Variants in MTUS2 observed in about 807,000 individuals in gnomAD.
The protein encoded by MTUS2 is microtubule associated scaffold protein 2, also known as microtubule-associated tumor suppressor candidate 2.
A neutral mutation model predicts 114.1 loss-of-function variants in MTUS2; 40 were observed. That is an observed-to-expected ratio of 0.35 (90% CI 0.27 to 0.46). The LOEUF (loss-of-function observed/expected upper bound fraction) is 0.46, where lower values mean the gene tolerates loss of function less well. Ranked by LOEUF, MTUS2 falls within the 20% of genes least tolerant of loss-of-function variation. The pLI, the probability that MTUS2 is intolerant of heterozygous loss-of-function variation, is 1.00. For synonymous variants in MTUS2, 688 were observed against 672.0 expected, an observed-to-expected ratio of 1.02 and a Z score of -0.37; for missense variants, 1,679 against 1,705.4, an observed-to-expected ratio of 0.98 and a Z score of 0.27.
chr13:29,303,147 A>G (rs1278304377), intron 6 of MTUS2, among the ~76,000 whole-genome samples: 1 of 152,240 alleles, frequency 6.6e-6, no homozygotes, highest in Non-Finnish European at 1.5e-5. Flanking sequence ...AACCTCATTC[A>G]AAGGTCAGCA....
intron 8 of MTUS2, among the ~76,000 whole-genome samples, chr13:29,392,872 T>C (rs1873616942): frequency 6.6e-6 from 1 of 152,222 alleles, no homozygotes; most frequent in Non-Finnish European, 1.5e-5. Context: ...GTTACAATGG[T>C]AAATTTCATC....
intron 1 of MTUS2, among the ~76,000 whole-genome samples, chr13:28,839,049 T>TA (rs925189710): frequency 2.6e-5 from 4 of 151,940 alleles, no homozygotes; most frequent in East Asian, 3.9e-4. Flanking sequence ...TATGTGTAGG[T>TA]AAAAAAATGG....
intron 5 of MTUS2, among the ~76,000 whole-genome samples, chr13:29,206,987 T>G (rs1374800073): frequency 1.3e-5 from 2 of 152,192 alleles, no homozygotes; most frequent in African/African-American, 2.4e-5. Flanking sequence ...AATTTGTAGA[T>G]TGCTTTTGGC....
chr13:29,124,029 T>G (rs941510519), intron 5 of MTUS2, among the ~76,000 whole-genome samples: 19 of 152,248 alleles, frequency 1.2e-4, no homozygotes, highest in African/African-American at 4.6e-4. Context: ...AATAATTCTC[T>G]CCCTTGTTAA....
chr13:29,500,421 C>T (rs1882809621), intron 14 of MTUS2, among the ~76,000 whole-genome samples: 1 of 152,186 alleles, frequency 6.6e-6, no homozygotes, highest in African/African-American at 2.4e-5. Flanking sequence ...AACTGTACTT[C>T]AGCTAGGTCT....
At chr13:29,051,878 A>G (rs576513187) in intron 4 of MTUS2, among the ~76,000 whole-genome samples, 1 of 152,316 alleles carries the variant, frequency 6.6e-6, no homozygotes, top group South Asian at 2.1e-4. Flanking sequence ...CAAATAGCAA[A>G]AATGGCCAGA....
intron 3 of MTUS2, among the ~76,000 whole-genome samples, chr13:29,029,064 C>T (rs975171340): frequency 7.9e-5 from 12 of 152,196 alleles, no homozygotes; most frequent in Non-Finnish European, 1.2e-4. Flanking sequence ...CAATCACTGA[C>T]GAGGTGCCCC....
chr13:29,445,125 T>G (rs962509199), intron 9 of MTUS2, among the ~76,000 whole-genome samples: 10 of 152,242 alleles, frequency 6.6e-5, no homozygotes, highest in African/African-American at 2.4e-4. Context: ...ACTTGTGTCC[T>G]CACACACTGG....
intron 2 of MTUS2, among the ~76,000 whole-genome samples, chr13:28,886,822 A>G (rs1878619656): frequency 6.6e-6 from 1 of 152,216 alleles, no homozygotes; most frequent in African/African-American, 2.4e-5. Flanking sequence ...CATTGAGACC[A>G]AAGCTGCTTC....
At chr13:29,015,266 C>T (rs572015799) in intron 2 of MTUS2, among the ~76,000 whole-genome samples, 1 of 152,192 alleles carries the variant, frequency 6.6e-6, no homozygotes, top group African/African-American at 2.4e-5. Context: ...GAATAACATC[C>T]TGAGCAAGAA....
chr13:28,902,429 T>C (rs1351619588), intron 2 of MTUS2, among the ~76,000 whole-genome samples: 1 of 152,100 alleles, frequency 6.6e-6, no homozygotes, highest in Non-Finnish European at 1.5e-5. Context: ...CATTAAGAAA[T>C]GCATTTCACT....
At chr13:28,927,613 A>G (rs974682886) in intron 2 of MTUS2, among the ~76,000 whole-genome samples, 1 of 152,198 alleles carries the variant, frequency 6.6e-6, no homozygotes, top group Non-Finnish European at 1.5e-5. Context: ...GTTCTCTACA[A>G]TGGAAGAGAT....
chr13:29,460,677 T>C (rs1317473169), intron 9 of MTUS2, among the ~76,000 whole-genome samples: 4 of 152,196 alleles, frequency 2.6e-5, no homozygotes, highest in Non-Finnish European at 5.9e-5. Context: ...GTATCCTCTG[T>C]TCTCAGATGA....
At chr13:28,863,939 TC>T (rs1172397173) in intron 2 of MTUS2, among the ~76,000 whole-genome samples, 2 of 152,116 alleles carry the variant, frequency 1.3e-5, no homozygotes, top group African/African-American at 4.8e-5. Context: ...CAAGCGATCC[TC>T]CTGCATCAGC....
intron 2 of MTUS2, among the ~76,000 whole-genome samples, chr13:28,987,956 A>G (rs1195999371): frequency 1.3e-5 from 2 of 152,224 alleles, no homozygotes; most frequent in Admixed American, 6.5e-5. Context: ...TAGATCCTGC[A>G]TTACTCTCTG....
chr13:29,458,827 C>A (rs1269886786), intron 9 of MTUS2, among the ~76,000 whole-genome samples: 1 of 152,198 alleles, frequency 6.6e-6, no homozygotes, highest in Non-Finnish European at 1.5e-5. Flanking sequence ...TAACAGAAAC[C>A]CCCAAACATA....
At chr13:29,311,427 A>G (rs555535946) in intron 6 of MTUS2, among the ~76,000 whole-genome samples, 27 of 152,322 alleles carry the variant, frequency 1.8e-4, no homozygotes, top group African/African-American at 5.8e-4. Flanking sequence ...GTTTAAAACT[A>G]TATTATAGTA....
chr13:29,050,991 C>T (rs962467515), intron 4 of MTUS2, among the ~76,000 whole-genome samples: 33 of 152,146 alleles, frequency 2.2e-4, no homozygotes, highest in African/African-American at 7.7e-4. Context: ...CCTCCAGGCC[C>T]GGGTTAGAAG....
intron 7 of MTUS2, among the ~76,000 whole-genome samples, chr13:29,350,960 C>CATATATATATATATATATATAT (rs56192034): frequency 0.015 from 1,860 of 127,986 alleles, 48 homozygotes; most frequent in African/African-American, 0.023. Flanking sequence ...ATATATATTT[C>CATATATATATATATATATATAT]ATATATATAT....
Sources: allele counts gnomAD v4.1 joint callset (sites outside exome capture counted in the v4.1 genomes callset), GRCh38; gene constraint gnomAD v4.1.1; transcripts MANE v1.5; gene names NCBI Gene and HGNC (gene_info 2026-07-23, HGNC 2026-07-21).